Variants in SPOCK3 observed in about 807,000 individuals in gnomAD.
The protein encoded by SPOCK3 is testican-3.
A neutral mutation model predicts 56.6 loss-of-function variants in SPOCK3; 30 were observed. The ratio of observed to expected loss-of-function variants is 0.53; its 90% CI spans 0.40 to 0.72. The LOEUF is 0.72. SPOCK3 is among the 30% of genes least tolerant of loss of function. The pLI is 0.00. For missense variants in SPOCK3, 527 were observed against 530.0 expected, an observed-to-expected ratio of 0.99 and a Z score of 0.06; for synonymous variants, 196 against 183.3, an observed-to-expected ratio of 1.07 and a Z score of -0.56.
At chr4:166,974,220 C>T (rs573142376) in intron 4 of SPOCK3, among the ~76,000 whole-genome samples, 127 of 152,176 alleles carry the variant, frequency 8.3e-4, no homozygotes, top group Middle Eastern at 6.8e-3. Context: ...TTTACCTCAT[C>T]ATGCAAAATC....
intron 3 of SPOCK3, among the ~76,000 whole-genome samples, chr4:167,029,707 T>G (rs1752078362): frequency 6.6e-6 from 1 of 152,056 alleles, no homozygotes; most frequent in African/African-American, 2.4e-5. Context: ...TTTATGATTT[T>G]TCTTTATATT....
chr4:167,065,057 A>AAAAAAAAAAAAAAAAAAAAAAAAAC (rs1755992016), intron 2 of SPOCK3, among the ~76,000 whole-genome samples: 1 of 141,580 alleles, frequency 7.1e-6, no homozygotes, highest in Non-Finnish European at 1.6e-5. Flanking sequence ...AAAAAAAAAA[A>AAAAAAAAAAAAAAAAAAAAAAAAAC]AAAGTCAAAC....
chr4:166,893,640 C>T (rs1276673190), intron 5 of SPOCK3, among the ~76,000 whole-genome samples: 1 of 152,018 alleles, frequency 6.6e-6, no homozygotes, highest in Admixed American at 6.6e-5. Flanking sequence ...TAATGTAGAA[C>T]AAGTATGTAA....
Position 166,990,462 on chromosome 4 carries a change from G to T in SPOCK3, c.350+9887C>A, listed in dbSNP as rs569157461. 4.6e-5 allele frequency among the ~76,000 whole-genome samples: 7 copies of T among 151,694 alleles called. 1 individual carries two copies. The highest frequency in any genetic ancestry group is 1.9e-4 in the East Asian group (1 of 5,146). On this transcript the variant is annotated intron_variant, in intron 4 of 10. Transcript: ENST00000357545. ...TAAAGAAAATAGTAAAATAAAGCAA[G>T]AATTTAGGAATAGAAAGATTATTCA...
Position 167,138,760 on chromosome 4 carries a change from T to C in SPOCK3, c.190-76223A>G, listed in dbSNP as rs568261894. Among the ~76,000 whole-genome samples, 6 of 151,942 alleles carry C rather than the reference T, an allele frequency of 3.9e-5. No individual in the cohort carries two copies. The East Asian group carries it at 5.8e-4, about 15-fold the overall frequency. ...GGAAAAGATACCCTAAAAAATGTCA[T>C]TGTGTTTTCAAAAAAGAAAAGAACA... On this transcript the variant is annotated intron_variant, in intron 2 of 10. Coordinates refer to ENST00000357545, the MANE Select transcript of SPOCK3 (RefSeq NM_001040159.2).
intron 2 of SPOCK3, among the ~76,000 whole-genome samples, chr4:167,190,349 C>T (rs1249857567): frequency 6.9e-6 from 1 of 145,902 alleles, no homozygotes; most frequent in Non-Finnish European, 1.5e-5. Context: ...TTTTGATTTG[C>T]ACTTTCCTGA....
chr4:166,997,414 T>C (rs768911073), intron 4 of SPOCK3, among the ~76,000 whole-genome samples: 8 of 152,198 alleles, frequency 5.3e-5, no homozygotes, highest in Admixed American at 1.3e-4. Context: ...TGTTGACTGA[T>C]GCCTATACCC....
intron 2 of SPOCK3, among the ~76,000 whole-genome samples, chr4:167,106,214 G>T (rs1197654243): frequency 1.3e-5 from 2 of 151,782 alleles, no homozygotes; most frequent in African/African-American, 2.4e-5. Context: ...CTCAAGAACA[G>T]ACCATGTTAG....
intron 3 of SPOCK3, among the ~76,000 whole-genome samples, chr4:167,014,331 T>G (rs548745207): frequency 6.6e-6 from 1 of 152,032 alleles, no homozygotes; most frequent in South Asian, 2.1e-4. Flanking sequence ...CATAAACTCT[T>G]TTTAAAGAAT....
intron 6 of SPOCK3, among the ~76,000 whole-genome samples, chr4:166,842,198 CA>C (rs1218159262): frequency 6.6e-6 from 1 of 152,156 alleles, no homozygotes; most frequent in African/African-American, 2.4e-5. Context: ...TTGCAAAGAA[CA>C]AAAGAACAAA....
At chr4:166,776,127 T>C (rs1739506268) in intron 7 of SPOCK3, among the ~76,000 whole-genome samples, 1 of 151,958 alleles carries the variant, frequency 6.6e-6, no homozygotes, top group Non-Finnish European at 1.5e-5. Flanking sequence ...AAAAAACATT[T>C]TTCTGGGCTG....
At chr4:167,102,204 C>CT in intron 2 of SPOCK3, among the ~76,000 whole-genome samples, 1 of 151,968 alleles carries the variant, frequency 6.6e-6, no homozygotes, top group Non-Finnish European at 1.5e-5. Context: ...GGTGACATCT[C>CT]TTTTTTCAGC....
At chr4:167,223,483 G>A (rs998510917) in intron 2 of SPOCK3, among the ~76,000 whole-genome samples, 8 of 151,578 alleles carry the variant, frequency 5.3e-5, no homozygotes, top group African/African-American at 1.9e-4. Flanking sequence ...AGCATTAACA[G>A]ATGAAGAAGC....
chr4:166,832,670 T>C (rs552045937), intron 6 of SPOCK3, among the ~76,000 whole-genome samples: 4 of 152,144 alleles, frequency 2.6e-5, no homozygotes, highest in South Asian at 2.1e-4. Context: ...GATCCATCAA[T>C]AGTGGATTAA....
At chr4:167,030,408 T>A (rs957170527) in intron 3 of SPOCK3, among the ~76,000 whole-genome samples, 1 of 152,086 alleles carries the variant, frequency 6.6e-6, no homozygotes. Flanking sequence ...AGCAATTGAT[T>A]TAGTTTCTTG....
At chr4:167,086,085 T>A (rs1005363481) in intron 2 of SPOCK3, among the ~76,000 whole-genome samples, 13 of 152,064 alleles carry the variant, frequency 8.5e-5, no homozygotes, top group Non-Finnish European at 1.5e-4. Context: ...TCTTTATCTG[T>A]TTCAACCATT....
chr4:167,082,307 A>T (rs1241834289), intron 2 of SPOCK3, among the ~76,000 whole-genome samples: 2 of 152,052 alleles, frequency 1.3e-5, no homozygotes, highest in Admixed American at 1.3e-4. Flanking sequence ...CCCTTGTGTG[A>T]TCTGTTTGGT....
chr4:167,060,207 T>C (rs537956902), intron 3 of SPOCK3, among the ~76,000 whole-genome samples: 3 of 150,694 alleles, frequency 2.0e-5, no homozygotes, highest in African/African-American at 7.3e-5. Context: ...TGGAGTACTA[T>C]TCAGCCATAA....
At chr4:167,024,194 T>G (rs1751471664) in intron 3 of SPOCK3, among the ~76,000 whole-genome samples, 1 of 152,022 alleles carries the variant, frequency 6.6e-6, no homozygotes, top group African/African-American at 2.4e-5. Context: ...TTCACACTTT[T>G]GCGCACAACT....
Sources: gnomAD v4.1 joint callset for allele counts (sites outside exome capture counted in the v4.1 genomes callset) on GRCh38, gnomAD v4.1.1 for gene constraint, MANE v1.5 for transcripts, NCBI Gene and HGNC (gene_info 2026-07-23, HGNC 2026-07-21) for gene names.